The following MMP17 variants were observed in gnomAD, a reference collection of about 807,000 sequenced individuals.
MMP17 encodes matrix metalloproteinase-17.
In MMP17, 54 loss-of-function variants were observed where a neutral mutation model predicts 49.1. The ratio of observed to expected loss-of-function variants is 1.10; its 90% CI spans 0.88 to 1.38. MMP17 has a LOEUF of 1.38. MMP17 is among the 40% of genes most tolerant of loss of function. The pLI is 0.00. For synonymous variants in MMP17, 397 were observed against 383.1 expected (o/e 1.04, Z -0.42); for missense variants, 837 against 853.7 (o/e 0.98, Z 0.24).
At chr12:131,830,609 G>C (rs1886742103) in intron 1 of MMP17, among the ~76,000 whole-genome samples, 1 of 152,210 alleles carries the variant, frequency 6.6e-6, no homozygotes, top group Non-Finnish European at 1.5e-5. Flanking sequence ...GGGCGGGAGC[G>C]GGGACTCCTC....
chr12:131,840,941 A>C (rs1887374244), intron 4 of MMP17, 85 bp downstream of exon 4: 1 of 1,425,328 alleles, frequency 7.0e-7, no homozygotes. Flanking sequence ...CCCCATCCCC[A>C]ACCCTGCGGC....
At chr12:131,850,782 T>G in intron 9 of MMP17, 143 bp from the exon 10 acceptor site, 1 of 373,924 alleles carries the variant, frequency 2.7e-6, no homozygotes, top group Non-Finnish European at 4.4e-6. Context: ...ACTGCAGTCT[T>G]GTGCAAGCCC....
chr12:131,848,199 C>CCTTAGGCTCCTGATTTCCT (rs1887801681), intron 8 of MMP17, among the ~76,000 whole-genome samples: 1 of 152,168 alleles, frequency 6.6e-6, no homozygotes, highest in African/African-American at 2.4e-5. Context: ...AGTTCTCCTG[C>CCTTAGGCTCCTGATTTCCT]CTTAGGCTCC....
chr12:131,837,106 C>A (rs1305679034), intron 1 of MMP17, among the ~76,000 whole-genome samples: 1 of 152,214 alleles, frequency 6.6e-6, no homozygotes, highest in Non-Finnish European at 1.5e-5. Context: ...CCCCAGTGGG[C>A]CCTTCAGAGC....
At chr12:131,838,559 C>G (rs1276624405) in intron 2 of MMP17, 53 bp from the exon 3 acceptor site, 3 of 1,564,574 alleles carry the variant, frequency 1.9e-6, no homozygotes, top group Admixed American at 3.7e-5. Context: ...GCTCGGGATC[C>G]TAGGGTGGGG....
chr12:131,832,922 C>T (rs1886900461), intron 1 of MMP17, among the ~76,000 whole-genome samples: 1 of 152,194 alleles, frequency 6.6e-6, no homozygotes, highest in African/African-American at 2.4e-5. Flanking sequence ...CCGCCCCACG[C>T]ATCACCTGGA....
Position 131,849,794 on chromosome 12 carries a change from G to T in MMP17, c.1205-8G>T, listed in dbSNP as rs377417552. On this transcript the variant is annotated splice_polypyrimidine_tract_variant and splice_region_variant and intron_variant, in intron 8 of 9. Coordinates refer to ENST00000360564, the MANE Select transcript of MMP17 (RefSeq NM_016155.7). Reference sequence around the variant, plus strand: ...GCCCCGGCCCACAGCTGTTTCTCTCGCCCCCAGGAGACAGGTACTGGGTGT... The same window carrying T: ...GCCCCGGCCCACAGCTGTTTCTCTCTCCCCCAGGAGACAGGTACTGGGTGT... 1.2e-6 allele frequency: 2 copies of T among 1,605,342 alleles called. No individual in the cohort carries two copies. Among genetic ancestry groups the T allele is most frequent in the Admixed American group, 3.3e-5 (2 of 59,744 alleles).
In MMP17 at chr12:131,849,418, G is replaced by A. The variant is rs572660161; in HGVS notation, c.1205-384G>A. ...AGAATCGCTTGAACCCAGGGGCGGA[G>A]GTTGCAGTGAACCGAGATCAAGTCA... On this transcript the variant is annotated intron_variant, in intron 8 of 9. Coordinates refer to ENST00000360564, the MANE Select transcript of MMP17 (RefSeq NM_016155.7). 1.1e-3 allele frequency among the ~76,000 whole-genome samples: 175 copies of A among 152,304 alleles called. 1 individual carries two copies. Among genetic ancestry groups the A allele is most frequent in the Non-Finnish European group, 2.1e-4 (14 of 68,016 alleles).
At chr12:131,829,813 G>A (rs1294721615) in intron 1 of MMP17, among the ~76,000 whole-genome samples, 1 of 152,258 alleles carries the variant, frequency 6.6e-6, no homozygotes, top group Non-Finnish European at 1.5e-5. Flanking sequence ...ATGGGAAGCC[G>A]ATTTGGCCAC....
chr12:131,830,457 G>T (rs116241576), intron 1 of MMP17, among the ~76,000 whole-genome samples: 6 of 152,364 alleles, frequency 3.9e-5, no homozygotes, highest in African/African-American at 1.4e-4. Context: ...CCGGCCTGGC[G>T]TGGAGCCTCC....
At position 131,833,991 on chromosome 12, in the gene MMP17, C is replaced by T. The variant is rs551198381; in HGVS notation, c.160-4204C>T. Among the ~76,000 whole-genome samples the T allele has an allele frequency of 8.5e-5, 13 of 152,376 alleles. No homozygotes were observed. In the South Asian group the frequency reaches 1.0e-3, roughly 12 times the overall value. ...GCCCTCTTAAGGCTGGAAACAGATA[C>T]GCATTGTGTCAGACAACAAGCATGG... is the stretch of plus-strand genomic sequence containing the variant. On this transcript the variant is annotated intron_variant, in intron 1 of 9. Coordinates refer to ENST00000360564, the MANE Select transcript of MMP17 (RefSeq NM_016155.7).
intron 6 of MMP17, 116 bp from the exon 7 acceptor site, chr12:131,845,002 G>C: frequency 9.7e-7 from 1 of 1,026,520 alleles, no homozygotes; most frequent in East Asian, 2.5e-5. Flanking sequence ...CAAGGATAGG[G>C]GCTCCACACA....
rs12099570 is a variant in MMP17 at position 131,843,551 on chromosome 12, T to C, written c.884-446T>C. On this transcript the variant is annotated intron_variant, in intron 5 of 9. Transcript: ENST00000360564. Reference sequence around the variant, plus strand: ...CACGAACCACTGTGCCCGGCCCGGCTTCTTCCACTGAGCATAGCGTGTTCC... The same window carrying C: ...CACGAACCACTGTGCCCGGCCCGGCCTCTTCCACTGAGCATAGCGTGTTCC... Among the ~76,000 whole-genome samples, 277 of 152,326 alleles carry C rather than the reference T, an allele frequency of 1.8e-3. 1 individual carries two copies. The highest frequency in any genetic ancestry group is 6.2e-3 in the African/African-American group (258 of 41,562).
intron 5 of MMP17, among the ~76,000 whole-genome samples, chr12:131,842,644 G>T (rs998166132): frequency 6.6e-6 from 1 of 151,868 alleles, no homozygotes; most frequent in Non-Finnish European, 1.5e-5. Context: ...ATGGTAGCAG[G>T]TGCCTGTAAT....
At position 131,838,613 on chromosome 12, in the gene MMP17, C is replaced by A. The variant is rs142829362; in HGVS notation, c.294C>A (p.Asp98Glu). The A allele has an allele frequency of 6.2e-7, 1 of 1,609,228 alleles. No individual in the cohort carries two copies. The highest frequency in any genetic ancestry group is 1.7e-5 in the Admixed American group (1 of 59,764). The change falls in exon 3 of 10, where the codon GAC becomes GAA. Residue 98 changes from aspartate (D) to glutamate (E), a missense_variant and splice_region_variant. Physicochemically the swap from Asp to Glu is conservative, Grantham distance 45 (BLOSUM62 2). Coordinates refer to ENST00000360564, the MANE Select transcript of MMP17 (RefSeq NM_016155.7). ...CTGAGCTCCATGCTTTCCCTGCAGA[C>A]GAGGCCACCCTGGCCCTGATGAAAA... Reference protein sequence around the residue: ...FGGLEATGILDEATLALMKTP... With the variant: ...FGGLEATGILEEATLALMKTP...
intron 8 of MMP17, among the ~76,000 whole-genome samples, chr12:131,847,085 T>C (rs890335810): frequency 2.0e-5 from 3 of 146,460 alleles, no homozygotes; most frequent in African/African-American, 7.6e-5. Context: ...CACTCCAGCC[T>C]GGGCGACAGA....
intron 6 of MMP17, 162 bp from the exon 7 acceptor site, chr12:131,844,956 A>AC: frequency 1.5e-6 from 1 of 646,482 alleles, no homozygotes; most frequent in Non-Finnish European, 2.7e-6. Flanking sequence ...GTGGACAGGC[A>AC]CCCCCGTTTT....
intron 8 of MMP17, among the ~76,000 whole-genome samples, chr12:131,849,570 C>T (rs1194804465): frequency 6.6e-6 from 1 of 152,212 alleles, no homozygotes; most frequent in East Asian, 1.9e-4. Flanking sequence ...AAAGGGGTGG[C>T]CGGCAGCGTC....
chr12:131,831,082 GCT>G (rs1886770874), intron 1 of MMP17, among the ~76,000 whole-genome samples: 2 of 152,154 alleles, frequency 1.3e-5, no homozygotes, highest in African/African-American at 4.8e-5. Flanking sequence ...AGCTTCGCAC[GCT>G]ATCTGGAGTG....
Sources: gnomAD v4.1 joint callset for allele counts (sites outside exome capture counted in the v4.1 genomes callset) on GRCh38, gnomAD v4.1.1 for gene constraint, MANE v1.5 for transcripts, NCBI Gene and HGNC (gene_info 2026-07-23, HGNC 2026-07-21) for gene names.